Variants in KIAA1755 observed in about 807,000 individuals in gnomAD.
The protein encoded by KIAA1755 is KIAA1755.
A neutral mutation model predicts 91.7 loss-of-function variants in KIAA1755; 68 were observed. That is an observed-to-expected ratio of 0.74 (90% CI 0.61 to 0.91). KIAA1755 has a LOEUF of 0.91. Ranked by LOEUF, KIAA1755 falls within the 40% of genes least tolerant of loss-of-function variation. The pLI is 0.00. For missense variants in KIAA1755, 1,535 were observed against 1,494.4 expected (o/e 1.03, Z -0.45); for synonymous variants, 610 against 604.6 (o/e 1.01, Z -0.13).
chr20:38,222,595 C>T lies in KIAA1755; in HGVS notation c.2271G>A (p.Glu757=). Residue 757 remains glutamate, a splice_region_variant and synonymous_variant, in exon 10 of 14, where the codon GAG becomes GAA. Transcript: ENST00000279024. ...TGGACTTGCTCAGGCACCTGGTAGC[C>T]TCCTGCCAGCGTAGGGAGGTGCCCT... ...EKADPPGGMQ[E]ATRCLSKSKE... The T allele has an allele frequency of 6.2e-7, 1 of 1,611,920 alleles. No homozygotes were observed. The highest frequency in any genetic ancestry group is 1.7e-5 in the Admixed American group (1 of 60,012).
chr20:38,222,846 G>C (rs1344226958), intron 9 of KIAA1755: 3 of 579,282 alleles, frequency 5.2e-6, no homozygotes, highest in Non-Finnish European at 9.3e-6. Context: ...TGATCTCCCT[G>C]CTGCCCTCTG....
At chr20:38,219,815 C>T (rs2075625808) in intron 10 of KIAA1755, 47 bp from the exon 11 acceptor site, 3 of 1,608,868 alleles carry the variant, frequency 1.9e-6, no homozygotes, top group Non-Finnish European at 2.5e-6. Flanking sequence ...GCCCTCTTCA[C>T]CCTGCTGTAC....
At chr20:38,235,508 G>A (rs1329959116) in intron 4 of KIAA1755, among the ~76,000 whole-genome samples, 1 of 152,226 alleles carries the variant, frequency 6.6e-6, no homozygotes, top group Non-Finnish European at 1.5e-5. Context: ...TTTGGTAGGA[G>A]CAAGGTGCCA....
At chr20:38,243,022 G>T (rs1221530797) in intron 2 of KIAA1755, among the ~76,000 whole-genome samples, 1 of 152,198 alleles carries the variant, frequency 6.6e-6, no homozygotes, top group African/African-American at 2.4e-5. Flanking sequence ...CCTGTCCACT[G>T]GGCTGTGCGG....
chr20:38,260,506 C>T lies in KIAA1755; in HGVS notation c.-6G>A. The T allele has an allele frequency of 2.0e-6, 3 of 1,478,958 alleles. No individual in the cohort carries two copies. Among genetic ancestry groups the T allele is most frequent in the Non-Finnish European group, 2.7e-6 (3 of 1,116,622 alleles). 91.6% of individuals were successfully genotyped at this position (1,478,958 alleles called of 1,614,324 possible). On this transcript the variant is annotated 5_prime_UTR_variant, in exon 1 of 14. Transcript: ENST00000279024. ...AGGCCTTGGCGCGTTACCATGGTGA[C>T]GGGCTGCCAGCGGCGGGCGGCGCGG...
chr20:38,222,295 C>G (rs895153967), intron 10 of KIAA1755, among the ~76,000 whole-genome samples, 154 bp downstream of exon 10: 3 of 152,262 alleles, frequency 2.0e-5, no homozygotes, highest in Non-Finnish European at 4.4e-5. Context: ...TTTCTGTGAC[C>G]AGGCGTCAGC....
intron 1 of KIAA1755, among the ~76,000 whole-genome samples, chr20:38,250,736 T>C (rs1390485364): frequency 6.6e-6 from 1 of 151,960 alleles, no homozygotes; most frequent in Non-Finnish European, 1.5e-5. Context: ...TGACCAGGCA[T>C]GTCACTCATG....
chr20:38,255,601 T>C (rs1481929367), intron 1 of KIAA1755, among the ~76,000 whole-genome samples: 1 of 152,214 alleles, frequency 6.6e-6, no homozygotes, highest in African/African-American at 2.4e-5. Flanking sequence ...GGCTGGAGAT[T>C]CTAGAACCAG....
Position 38,251,651 on chromosome 20 carries a change from C to T in KIAA1755, c.4-5525G>A, listed in dbSNP as rs540378272. On this transcript the variant is annotated intron_variant, in intron 1 of 13. Transcript: ENST00000279024. ...TGCAATCTTGGCTCACTGCAACCTCCGCCTCCCGGGCTCAAGTGATTCTTC... is the reference window on the plus strand; with the variant it reads ...TGCAATCTTGGCTCACTGCAACCTCTGCCTCCCGGGCTCAAGTGATTCTTC... 1.8e-4 allele frequency among the ~76,000 whole-genome samples: 28 copies of T among 151,746 alleles called. No homozygotes were observed. The South Asian group carries it at 1.9e-3, about 10-fold the overall frequency.
chr20:38,213,795 TGGAGG>T, intron 13 of KIAA1755, 52 bp from the exon 14 acceptor site: 3 of 1,304,054 alleles, frequency 2.3e-6, no homozygotes, highest in Non-Finnish European at 3.1e-6. Context: ...AGTGGGACCA[TGGAGG>T]ACTGAATTAA....
At chr20:38,255,351 C>T (rs572696267) in intron 1 of KIAA1755, among the ~76,000 whole-genome samples, 2 of 152,268 alleles carry the variant, frequency 1.3e-5, no homozygotes, top group African/African-American at 4.8e-5. Flanking sequence ...GATAGTCAGC[C>T]TCAGCACCAG....
intron 13 of KIAA1755, 141 bp downstream of exon 13, chr20:38,217,112 G>A (rs368915301): frequency 1.3e-5 from 9 of 704,440 alleles, no homozygotes; most frequent in South Asian, 8.7e-5. Context: ...TGGGTGGGGG[G>A]GGGCTGTGTC....
At chr20:38,252,140 C>T (rs1027505198) in intron 1 of KIAA1755, among the ~76,000 whole-genome samples, 11 of 152,158 alleles carry the variant, frequency 7.2e-5, no homozygotes, top group Non-Finnish European at 1.5e-4. Flanking sequence ...TGATTCCTAT[C>T]CTACCTCACT....
At chr20:38,257,367 G>A (rs892624513) in intron 1 of KIAA1755, among the ~76,000 whole-genome samples, 2 of 152,062 alleles carry the variant, frequency 1.3e-5, no homozygotes, top group African/African-American at 2.4e-5. Context: ...GATCACTTGA[G>A]GTCAGGAGTT....
At chr20:38,252,472 A>G (rs1434900642) in intron 1 of KIAA1755, among the ~76,000 whole-genome samples, 1 of 152,060 alleles carries the variant, frequency 6.6e-6, no homozygotes, top group Non-Finnish European at 1.5e-5. Flanking sequence ...AAGTCAAGAA[A>G]CCGAGGCTGA....
intron 4 of KIAA1755, among the ~76,000 whole-genome samples, chr20:38,232,002 G>C (rs2075873148): frequency 6.6e-6 from 1 of 152,204 alleles, no homozygotes; most frequent in African/African-American, 2.4e-5. Flanking sequence ...TGAGGCTGAG[G>C]CTCCGGGAGC....
chr20:38,237,782 C>A (rs772684469), intron 4 of KIAA1755, among the ~76,000 whole-genome samples: 1 of 150,384 alleles, frequency 6.6e-6, no homozygotes, highest in African/African-American at 2.5e-5. Context: ...GGAGAGGGAG[C>A]CTTAACATGA....
chr20:38,215,943 G>A (rs1049900510), intron 13 of KIAA1755, among the ~76,000 whole-genome samples: 2 of 152,224 alleles, frequency 1.3e-5, no homozygotes, highest in African/African-American at 4.8e-5. Context: ...GATGGTCTGG[G>A]TTTGAATCTC....
In KIAA1755 at chr20:38,222,920, C is replaced by A. The variant is rs189160414; in HGVS notation, c.2269-323G>T. ...GGATCTCAAAGTGCAAATCTGATAACCCCTGGTTTAAAACTCTCCAGTGGC... is the reference window on the plus strand; with the variant it reads ...GGATCTCAAAGTGCAAATCTGATAAACCCTGGTTTAAAACTCTCCAGTGGC... On this transcript the variant is annotated intron_variant, in intron 9 of 13. Transcript: ENST00000279024. 3.1e-3 allele frequency: 1,305 copies of A among 415,214 alleles called. 4 individuals are homozygous for A. Among genetic ancestry groups the A allele is most frequent in the Non-Finnish European group, 4.3e-3 (963 of 222,734 alleles). 25.7% of individuals were successfully genotyped at this position (415,214 alleles called of 1,614,324 possible).
Sources: allele counts gnomAD v4.1 joint callset (sites outside exome capture counted in the v4.1 genomes callset), GRCh38; gene constraint gnomAD v4.1.1; transcripts MANE v1.5; gene names NCBI Gene and HGNC (gene_info 2026-07-23, HGNC 2026-07-21).